GABRG3: variants seen among roughly 807,000 people sequenced by gnomAD.
GABRG3 encodes gamma-aminobutyric acid type A receptor subunit gamma3.
GABRG3 carries 25 observed loss-of-function variants against 48.8 expected under a neutral mutation model. The observed-to-expected ratio is 0.51, with a 90% CI of 0.37 to 0.72. The LOEUF is 0.72. Ranked by LOEUF, GABRG3 falls within the 30% of genes least tolerant of loss-of-function variation. GABRG3 has a pLI of 0.00. For synonymous variants in GABRG3, 227 were observed against 217.6 expected, an observed-to-expected ratio of 1.04 and a Z score of -0.38; for missense variants, 394 against 577.9, an observed-to-expected ratio of 0.68 and a Z score of 3.26.
chr15:27,196,786 C>G (rs1172664038), intron 3 of GABRG3, among the ~76,000 whole-genome samples: 1 of 152,212 alleles, frequency 6.6e-6, no homozygotes, highest in Non-Finnish European at 1.5e-5. Context: ...TGGATCGTAG[C>G]TCTTCCTCCT....
intron 3 of GABRG3, among the ~76,000 whole-genome samples, chr15:27,246,571 A>C (rs529070232): frequency 6.6e-6 from 1 of 152,246 alleles, no homozygotes; most frequent in African/African-American, 2.4e-5. Context: ...TACCCAGAAA[A>C]CCTTTCTTAG....
Position 27,161,541 on chromosome 15 carries a change from A to G in GABRG3, c.270+134720A>G, listed in dbSNP as rs1413191533. ...TTAAAGAAGTTAAATTTGCTTGCCA[A>G]TGTTTTTTCTTTTATGTTTAGTGTT... is the stretch of plus-strand genomic sequence containing the variant. On this transcript the variant is annotated intron_variant, in intron 3 of 9. Coordinates refer to ENST00000615808, the MANE Select transcript of GABRG3 (RefSeq NM_033223.5). Among the ~76,000 whole-genome samples, 3 of 152,256 alleles carry G rather than the reference A, an allele frequency of 2.0e-5. No homozygotes were observed. In the East Asian group the frequency reaches 5.8e-4, roughly 29 times the overall value.
intron 5 of GABRG3, among the ~76,000 whole-genome samples, chr15:27,359,696 C>T (rs1185138359): frequency 6.6e-6 from 1 of 152,224 alleles, no homozygotes; most frequent in African/African-American, 2.4e-5. Flanking sequence ...TTTTTGTAAA[C>T]GTTTCCATAA....
intron 5 of GABRG3, among the ~76,000 whole-genome samples, chr15:27,463,406 AT>A (rs887571405): frequency 6.6e-6 from 1 of 152,174 alleles, no homozygotes; most frequent in Admixed American, 6.5e-5. Context: ...CAGAATTCCA[AT>A]TTTTCTTTAA....
chr15:27,393,179 C>T (rs554101333), intron 5 of GABRG3, among the ~76,000 whole-genome samples: 2 of 151,896 alleles, frequency 1.3e-5, no homozygotes, highest in African/African-American at 4.8e-5. Context: ...CCCATCTCTA[C>T]TAAAAATACA....
intron 3 of GABRG3, among the ~76,000 whole-genome samples, chr15:27,131,175 T>C (rs1436564195): frequency 6.6e-6 from 1 of 152,152 alleles, no homozygotes; most frequent in South Asian, 2.1e-4. Flanking sequence ...AGCGGGTTTT[T>C]ATACATGGCT....
At chr15:27,121,870 A>G (rs184262324) in intron 3 of GABRG3, among the ~76,000 whole-genome samples, 176 of 152,318 alleles carry the variant, frequency 1.2e-3, no homozygotes, top group African/African-American at 3.9e-3. Flanking sequence ...CAGAAAGACA[A>G]ACACCACATG....
rs140151471 is a variant in GABRG3, at chr15:27,334,843, A to G, written c.574+5955A>G. Among the ~76,000 whole-genome samples, 20 of 152,324 alleles carry G rather than the reference A, an allele frequency of 1.3e-4. No homozygotes were observed. In the East Asian group the frequency reaches 3.9e-3, roughly 29 times the overall value. On this transcript the variant is annotated intron_variant, in intron 5 of 9. Transcript: ENST00000615808. Reference sequence around the variant, plus strand: ...ACTAAGGCTAGCAAAGAGTATTTATACTTGACACTGAAAGCATGATCCCTG... The same window carrying G: ...ACTAAGGCTAGCAAAGAGTATTTATGCTTGACACTGAAAGCATGATCCCTG...
At chr15:27,206,401 G>A (rs2140431849) in intron 3 of GABRG3, among the ~76,000 whole-genome samples, 1 of 152,212 alleles carries the variant, frequency 6.6e-6, no homozygotes, top group South Asian at 2.1e-4. Context: ...TTTTTATTGT[G>A]CTGTGGTCTG....
chr15:27,073,117 C>T (rs1484928991), intron 3 of GABRG3, among the ~76,000 whole-genome samples: 1 of 152,160 alleles, frequency 6.6e-6, no homozygotes, highest in Non-Finnish European at 1.5e-5. Context: ...TTGAGGACTC[C>T]CAGCACACCC....
intron 3 of GABRG3, among the ~76,000 whole-genome samples, chr15:27,101,865 AATT>A (rs1897365066): frequency 6.6e-6 from 1 of 151,358 alleles, no homozygotes; most frequent in African/African-American, 2.4e-5. Flanking sequence ...AAAAAAAAAA[AATT>A]CTGAAAAAAA....
At chr15:27,284,734 A>T (rs902858717) in intron 3 of GABRG3, among the ~76,000 whole-genome samples, 3 of 152,168 alleles carry the variant, frequency 2.0e-5, no homozygotes, top group African/African-American at 7.2e-5. Context: ...AGATAATTTG[A>T]CCAGCGATCT....
chr15:27,526,490 T>G (rs1316426064), intron 7 of GABRG3, among the ~76,000 whole-genome samples: 3 of 152,184 alleles, frequency 2.0e-5, no homozygotes, highest in African/African-American at 7.2e-5. Flanking sequence ...CTTCCCTGTC[T>G]AGTAGTCCTG....
chr15:26,996,947 C>T (rs1300308242), intron 2 of GABRG3, among the ~76,000 whole-genome samples: 2 of 152,158 alleles, frequency 1.3e-5, no homozygotes, highest in Admixed American at 6.5e-5. Context: ...CCACCACGCC[C>T]GGCCTATACT....
At chr15:27,430,062 G>T (rs1888404791) in intron 5 of GABRG3, among the ~76,000 whole-genome samples, 1 of 152,106 alleles carries the variant, frequency 6.6e-6, no homozygotes, top group Non-Finnish European at 1.5e-5. Flanking sequence ...CACCACTTTG[G>T]TATTGCCTGT....
At chr15:27,137,573 A>G (rs1306400705) in intron 3 of GABRG3, among the ~76,000 whole-genome samples, 1 of 152,202 alleles carries the variant, frequency 6.6e-6, no homozygotes, top group Non-Finnish European at 1.5e-5. Flanking sequence ...CACACCCTGC[A>G]TACATACTCT....
At chr15:27,059,936 G>C (rs1896617892) in intron 3 of GABRG3, among the ~76,000 whole-genome samples, 1 of 152,232 alleles carries the variant, frequency 6.6e-6, no homozygotes, top group Non-Finnish European at 1.5e-5. Context: ...GCTTATTGAA[G>C]AAAGAACAAT....
At chr15:27,055,080 ACAG>A (rs747323202) in intron 3 of GABRG3, among the ~76,000 whole-genome samples, 1 of 151,144 alleles carries the variant, frequency 6.6e-6, no homozygotes. Context: ...ATTGTGAAAA[ACAG>A]CAGCAGCAGC....
rs555318136 is a variant in GABRG3 at position 27,071,521 on chromosome 15, C to T, written c.270+44700C>T. Among the ~76,000 whole-genome samples, 86 of 152,312 alleles carry T rather than the reference C, an allele frequency of 5.6e-4. 1 individual carries two copies. Among genetic ancestry groups the T allele is most frequent in the Non-Finnish European group, 5.0e-4 (34 of 68,038 alleles). ...GTCCTGATAGAGCTCTCCAGCTTGACGGATGTCTGCCTTTCAGTACCGTGT... is the reference window on the plus strand; with the variant it reads ...GTCCTGATAGAGCTCTCCAGCTTGATGGATGTCTGCCTTTCAGTACCGTGT... On this transcript the variant is annotated intron_variant, in intron 3 of 9. Coordinates refer to ENST00000615808, the MANE Select transcript of GABRG3 (RefSeq NM_033223.5).
Sources: gnomAD v4.1 joint callset for allele counts (sites outside exome capture counted in the v4.1 genomes callset) on GRCh38, gnomAD v4.1.1 for gene constraint, MANE v1.5 for transcripts, NCBI Gene and HGNC (gene_info 2026-07-23, HGNC 2026-07-21) for gene names.